NRG3: variants seen among roughly 807,000 people sequenced by gnomAD.
The protein encoded by NRG3 is neuregulin 3.
NRG3 carries 31 observed loss-of-function variants against 66.9 expected under a neutral mutation model. The ratio of observed to expected loss-of-function variants is 0.46; its 90% CI spans 0.35 to 0.63. The LOEUF (loss-of-function observed/expected upper bound fraction) is 0.63, where lower values mean the gene tolerates loss of function less well. NRG3 is among the 20% of genes least tolerant of loss of function. NRG3 has a pLI of 0.00. For missense variants in NRG3, 910 were observed against 878.9 expected (o/e 1.04, Z -0.45); for synonymous variants, 393 against 359.4 (o/e 1.09, Z -1.06).
At chr10:81,892,836 A>C (rs919519226) in intron 1 of NRG3, among the ~76,000 whole-genome samples, 29 of 152,314 alleles carry the variant, frequency 1.9e-4, no homozygotes, top group African/African-American at 6.5e-4. Context: ...GTTGTTGGTA[A>C]CACAAAGGAT....
chr10:82,242,474 G>C lies in NRG3; in HGVS notation c.824-116265G>C, dbSNP rs147647733. 9.9e-4 allele frequency among the ~76,000 whole-genome samples: 150 copies of C among 152,248 alleles called. 1 individual carries two copies. In the East Asian group the frequency reaches 0.027, roughly 27 times the overall value. ...TCTGTTGGGCTTGTATTTTCTCTTTGAGTAACCACTATGTGCTAAGTGAAA... is the reference window on the plus strand; with the variant it reads ...TCTGTTGGGCTTGTATTTTCTCTTTCAGTAACCACTATGTGCTAAGTGAAA... On this transcript the variant is annotated intron_variant, in intron 1 of 8. Coordinates refer to ENST00000372141, the MANE Select transcript of NRG3 (RefSeq NM_001010848.4).
At chr10:82,390,395 A>G (rs1451367062) in intron 2 of NRG3, among the ~76,000 whole-genome samples, 4 of 152,120 alleles carry the variant, frequency 2.6e-5, no homozygotes, top group African/African-American at 9.7e-5. Context: ...ATTCTCCAGC[A>G]TAAGTTTTAG....
intron 1 of NRG3, among the ~76,000 whole-genome samples, chr10:82,240,017 T>G (rs1347096620): frequency 6.6e-6 from 1 of 152,210 alleles, no homozygotes; most frequent in Non-Finnish European, 1.5e-5. Flanking sequence ...AGTCATATTT[T>G]ATGCCTGTTT....
At chr10:82,782,275 C>A (rs1199967890) in intron 3 of NRG3, among the ~76,000 whole-genome samples, 1 of 152,072 alleles carries the variant, frequency 6.6e-6, no homozygotes, top group Non-Finnish European at 1.5e-5. Context: ...GGATTGGGAT[C>A]CTAATAAAAG....
At chr10:82,138,579 A>G (rs1244765003) in intron 1 of NRG3, among the ~76,000 whole-genome samples, 2 of 152,200 alleles carry the variant, frequency 1.3e-5, no homozygotes, top group Admixed American at 1.3e-4. Context: ...GAGTTTATTA[A>G]GGAGAATTGA....
chr10:82,601,846 G>A (rs999285257), intron 2 of NRG3, among the ~76,000 whole-genome samples: 1 of 137,156 alleles, frequency 7.3e-6, no homozygotes, highest in Non-Finnish European at 1.5e-5. Flanking sequence ...AACCATCTCT[G>A]CTAAAAAAAA....
intron 1 of NRG3, among the ~76,000 whole-genome samples, chr10:82,210,188 T>G (rs2133616259): frequency 6.6e-6 from 1 of 152,292 alleles, no homozygotes; most frequent in African/African-American, 2.4e-5. Context: ...GTATAAAGAC[T>G]TTACAGATAC....
chr10:82,396,950 C>T (rs1345866260), intron 2 of NRG3, among the ~76,000 whole-genome samples: 1 of 152,130 alleles, frequency 6.6e-6, no homozygotes, highest in African/African-American at 2.4e-5. Context: ...CCTTTAGAAT[C>T]TGTAGTCTCT....
At chr10:82,624,276 G>A (rs2049255146) in intron 2 of NRG3, among the ~76,000 whole-genome samples, 1 of 152,090 alleles carries the variant, frequency 6.6e-6, no homozygotes, top group Non-Finnish European at 1.5e-5. Context: ...AAAATTCCCT[G>A]CTTTCATAAC....
intron 3 of NRG3, among the ~76,000 whole-genome samples, chr10:82,824,569 T>C (rs1330239062): frequency 6.6e-6 from 1 of 152,178 alleles, no homozygotes; most frequent in Non-Finnish European, 1.5e-5. Flanking sequence ...TATAGTAGTG[T>C]GTGTGCCGTG....
rs1236614582 is a variant in NRG3 at position 81,875,821 on chromosome 10, A to G, written c.481A>G (p.Ile161Val). Reference protein sequence around the residue: ...PNRISTRLTTITRAPTRFPGH... With the variant: ...PNRISTRLTTVTRAPTRFPGH... ...CCGGATTAGCACTCGCCTGACCACCATCACGCGGGCGCCCACTCGCTTCCC... is the reference window on the plus strand; with the variant it reads ...CCGGATTAGCACTCGCCTGACCACCGTCACGCGGGCGCCCACTCGCTTCCC... Residue 161 changes from isoleucine (I) to valine (V), a missense_variant, in exon 1 of 9, where the codon ATC becomes GTC. Transcript: ENST00000372141. This position sits in a 1 kb window ranked among gnomAD's most constrained non-coding sequence, Gnocchi z 5.3. 3 of 1,609,074 alleles carry G rather than the reference A, an allele frequency of 1.9e-6. No homozygotes were observed. Among genetic ancestry groups the G allele is most frequent in the East Asian group, 4.5e-5 (2 of 44,808 alleles).
At chr10:82,313,336 C>CA (rs2081130360) in intron 1 of NRG3, among the ~76,000 whole-genome samples, 1 of 150,240 alleles carries the variant, frequency 6.7e-6, no homozygotes, top group South Asian at 2.1e-4. Flanking sequence ...GACTCCATCT[C>CA]AAAAAAATAA....
Position 82,959,159 on chromosome 10 carries a change from T to A in NRG3, c.1284+84T>A, listed in dbSNP as rs1850367253. The A allele has an allele frequency of 2.8e-6, 4 of 1,427,516 alleles. No individual in the cohort carries two copies. In the South Asian group the frequency reaches 6.4e-5, roughly 23 times the overall value. The allele number at this position is 1,427,516 out of a possible 1,614,324, so 88.4% of individuals were successfully genotyped here. A position where few individuals can be genotyped will look rare whatever the true frequency, so the allele number is the denominator to read the frequency against. Reference sequence around the variant, plus strand: ...GGTGTTGGGAGCCTGGGATCAGACTTGTAAATATTTTTCAGAGCTTTATAG... The same window carrying A: ...GGTGTTGGGAGCCTGGGATCAGACTAGTAAATATTTTTCAGAGCTTTATAG... On this transcript the variant is annotated intron_variant, in intron 6 of 8. Transcript: ENST00000372141.
chr10:82,946,428 G>T lies in NRG3; in HGVS notation c.1055-5041G>T, dbSNP rs996552011. ...GTGGCACGCACCTGTAGTCCCAGCT[G>T]CTCGGGAGGCTGAGGCAGGAAAATC... On this transcript the variant is annotated intron_variant, in intron 4 of 8. Coordinates refer to ENST00000372141, the MANE Select transcript of NRG3 (RefSeq NM_001010848.4). Among the ~76,000 whole-genome samples, 20 of 151,912 alleles carry T rather than the reference G, an allele frequency of 1.3e-4. No homozygotes were observed. The South Asian group carries it at 3.7e-3, about 28-fold the overall frequency.
chr10:82,042,088 G>C (rs1037008957), intron 1 of NRG3, among the ~76,000 whole-genome samples: 16 of 152,004 alleles, frequency 1.1e-4, no homozygotes, highest in Admixed American at 6.6e-4. Context: ...CAGTGCAATA[G>C]AGGATTTCCG....
chr10:81,903,459 G>A (rs6584402), intron 1 of NRG3, among the ~76,000 whole-genome samples: 64,842 of 152,016 alleles, frequency 0.43, 16,641 homozygotes, highest in East Asian at 0.81. Flanking sequence ...ATAAGCTGGT[G>A]TAAGCATAAC....
chr10:82,559,414 G>A (rs1159599959), intron 2 of NRG3, among the ~76,000 whole-genome samples: 1 of 152,186 alleles, frequency 6.6e-6, no homozygotes, highest in Non-Finnish European at 1.5e-5. Flanking sequence ...GCTAAGCCGA[G>A]GGGGATTCAT....
chr10:82,057,344 G>A (rs1216187781), intron 1 of NRG3, among the ~76,000 whole-genome samples: 1 of 151,656 alleles, frequency 6.6e-6, no homozygotes, highest in Non-Finnish European at 1.5e-5. Flanking sequence ...ATTTAAACAT[G>A]TTACACATGC....
intron 4 of NRG3, among the ~76,000 whole-genome samples, chr10:82,892,382 G>A (rs1227470871): frequency 3.3e-5 from 5 of 152,146 alleles, no homozygotes; most frequent in East Asian, 1.9e-4. Flanking sequence ...GTTAGAAATA[G>A]GCCAAGCATG....
Sources: allele counts gnomAD v4.1 joint callset (sites outside exome capture counted in the v4.1 genomes callset), GRCh38; gene constraint gnomAD v4.1.1; non-coding constraint Gnocchi (gnomAD v3.1); transcripts MANE v1.5; gene names NCBI Gene and HGNC (gene_info 2026-07-23, HGNC 2026-07-21).